Variants in CAPZB observed in about 807,000 individuals in gnomAD.
CAPZB encodes the protein F-actin-capping protein subunit beta.
Under a neutral mutation model 38.1 loss-of-function variants are expected in CAPZB, and 2 were observed. That is an observed-to-expected ratio of 0.05 (90% CI 0.02 to 0.17). The LOEUF (loss-of-function observed/expected upper bound fraction) is 0.17. CAPZB is among the 10% of genes least tolerant of loss of function. CAPZB has a pLI of 1.00. For missense variants in CAPZB, 161 were observed against 334.2 expected (o/e 0.48, Z 4.04); for synonymous variants, 107 against 127.4 (o/e 0.84, Z 1.08).
At chr1:19,358,743 TG>T in intron 4 of CAPZB, among the ~76,000 whole-genome samples, 1 of 152,354 alleles carries the variant, frequency 6.6e-6, no homozygotes, top group Non-Finnish European at 1.5e-5. Flanking sequence ...TCATCTCTCG[TG>T]GTGAGCACAT....
chr1:19,475,170 C>A (rs1259727779), intron 1 of CAPZB, among the ~76,000 whole-genome samples: 1 of 152,224 alleles, frequency 6.6e-6, no homozygotes, highest in Non-Finnish European at 1.5e-5. Flanking sequence ...TGGCTTTACA[C>A]ATATTAACTC....
chr1:19,464,066 A>T (rs989458674), intron 1 of CAPZB, among the ~76,000 whole-genome samples: 3 of 151,524 alleles, frequency 2.0e-5, no homozygotes, highest in Non-Finnish European at 4.4e-5. Context: ...GCACACCTGT[A>T]ATCTCAGCTA....
At chr1:19,452,627 C>T (rs1370184415) in intron 1 of CAPZB, among the ~76,000 whole-genome samples, 1 of 151,874 alleles carries the variant, frequency 6.6e-6, no homozygotes, top group African/African-American at 2.4e-5. Context: ...TCGGACAAAC[C>T]CCAAGTGTGA....
chr1:19,411,929 C>T (rs2094358577), intron 2 of CAPZB, among the ~76,000 whole-genome samples: 2 of 152,192 alleles, frequency 1.3e-5, no homozygotes, highest in African/African-American at 4.8e-5. Context: ...GGGCCGCCAT[C>T]CTCCGGAGAG....
chr1:19,346,452 T>TTAA (rs2093960970), intron 6 of CAPZB, among the ~76,000 whole-genome samples: 1 of 73,252 alleles, frequency 1.4e-5, no homozygotes, highest in African/African-American at 6.1e-5. Flanking sequence ...TGAGAGAAGC[T>TTAA]AAAAAAAAAA....
At chr1:19,457,985 G>A (rs551945657) in intron 1 of CAPZB, among the ~76,000 whole-genome samples, 24 of 152,090 alleles carry the variant, frequency 1.6e-4, no homozygotes, top group African/African-American at 5.5e-4. Flanking sequence ...TCCTGATAAT[G>A]TGGGAAAAGT....
At chr1:19,358,067 G>A (rs540189268) in intron 4 of CAPZB, among the ~76,000 whole-genome samples, 87 of 152,260 alleles carry the variant, frequency 5.7e-4, no homozygotes, top group African/African-American at 2.0e-3. Flanking sequence ...CCTACAAAGC[G>A]CTAGCCGGAA....
At chr1:19,399,124 C>T (rs1200784169) in intron 2 of CAPZB, among the ~76,000 whole-genome samples, 5 of 152,216 alleles carry the variant, frequency 3.3e-5, no homozygotes, top group African/African-American at 1.2e-4. Flanking sequence ...TCCCGAAGTG[C>T]TGGGATTACA....
At chr1:19,446,250 G>A (rs2094495549) in intron 1 of CAPZB, among the ~76,000 whole-genome samples, 1 of 152,198 alleles carries the variant, frequency 6.6e-6, no homozygotes, top group Non-Finnish European at 1.5e-5. Flanking sequence ...ACTGCGTGCA[G>A]GAAAACTGAG....
chr1:19,415,660 C>T (rs1029641130), intron 2 of CAPZB, among the ~76,000 whole-genome samples: 1 of 152,208 alleles, frequency 6.6e-6, no homozygotes, highest in African/African-American at 2.4e-5. Context: ...GCGAGGAGTT[C>T]AAAGCCAGGC....
intron 2 of CAPZB, among the ~76,000 whole-genome samples, chr1:19,398,396 C>T (rs1034305127): frequency 6.6e-6 from 1 of 152,208 alleles, no homozygotes; most frequent in Admixed American, 6.5e-5. Context: ...GGTCTGGCTT[C>T]CTCCAACAGA....
chr1:19,375,152 T>C (rs2094138542), intron 4 of CAPZB, among the ~76,000 whole-genome samples: 1 of 152,158 alleles, frequency 6.6e-6, no homozygotes. Flanking sequence ...AGATGAGCAA[T>C]GTACCACAAT....
chr1:19,360,742 C>T (rs1038565713), intron 4 of CAPZB, among the ~76,000 whole-genome samples: 3 of 152,204 alleles, frequency 2.0e-5, no homozygotes, highest in African/African-American at 7.2e-5. Flanking sequence ...AATGTCCCAC[C>T]CTGTGGCCTG....
At chr1:19,426,508 G>A (rs1275840044) in intron 1 of CAPZB, among the ~76,000 whole-genome samples, 1 of 152,048 alleles carries the variant, frequency 6.6e-6, no homozygotes, top group East Asian at 1.9e-4. Flanking sequence ...TATCATCAGA[G>A]CCCAGCACAA....
chr1:19,418,332 A>T (rs986704394), intron 2 of CAPZB, among the ~76,000 whole-genome samples: 1 of 152,046 alleles, frequency 6.6e-6, no homozygotes, highest in Non-Finnish European at 1.5e-5. Flanking sequence ...AGATCCCACC[A>T]TGCCCACTTC....
At chr1:19,421,688 A>G (rs1345817832) in intron 1 of CAPZB, among the ~76,000 whole-genome samples, 1 of 152,260 alleles carries the variant, frequency 6.6e-6, no homozygotes, top group African/African-American at 2.4e-5. Flanking sequence ...ATTCGACTCT[A>G]GAGAGACATA....
At chr1:19,382,898 A>T (rs2094182859) in intron 3 of CAPZB, among the ~76,000 whole-genome samples, 1 of 152,150 alleles carries the variant, frequency 6.6e-6, no homozygotes, top group African/African-American at 2.4e-5. Flanking sequence ...GGGCGAGAAT[A>T]CTTCTCCCTG....
intron 1 of CAPZB, among the ~76,000 whole-genome samples, chr1:19,451,063 T>G (rs2094514361): frequency 6.6e-6 from 1 of 152,242 alleles, no homozygotes; most frequent in Admixed American, 6.5e-5. Flanking sequence ...TATCACTGAC[T>G]GTTACTCACA....
At chr1:19,348,760 G>A (rs978364313) in intron 6 of CAPZB, among the ~76,000 whole-genome samples, 4 of 73,378 alleles carry the variant, frequency 5.5e-5, no homozygotes, top group African/African-American at 8.7e-5. Context: ...CATCTGACAA[G>A]GGGGGGGGGC....
Sources: allele counts gnomAD v4.1 joint callset (sites outside exome capture counted in the v4.1 genomes callset), GRCh38; gene constraint gnomAD v4.1.1; transcripts MANE v1.5; gene names NCBI Gene and HGNC (gene_info 2026-07-23, HGNC 2026-07-21).